The following AGBL1 variants were observed in gnomAD, a reference collection of about 807,000 sequenced individuals.
The protein encoded by AGBL1 is AGBL carboxypeptidase 1.
A neutral mutation model predicts 118.9 loss-of-function variants in AGBL1; 130 were observed. That is an observed-to-expected ratio of 1.09 (90% CI 0.95 to 1.26). The LOEUF (loss-of-function observed/expected upper bound fraction) is 1.26. Among genes scored for constraint, AGBL1 ranks in the 50% most tolerant of loss-of-function variants. The probability of loss-of-function intolerance (pLI) is 0.00; values close to 1 mark genes in which losing one functional copy is unlikely to be tolerated. For missense variants in AGBL1, 1,584 were observed against 1,298.1 expected (o/e 1.22, Z -3.38); for synonymous variants, 555 against 478.9 (o/e 1.16, Z -2.08).
intron 18 of AGBL1, among the ~76,000 whole-genome samples, chr15:86,500,073 C>A (rs4448905): frequency 0.52 from 78,942 of 151,582 alleles, 21,038 homozygotes; most frequent in East Asian, 0.68. Flanking sequence ...GTTTGTGGTC[C>A]TGCTGATTTG....
intron 12 of AGBL1, 91 bp downstream of exon 12, chr15:86,266,548 C>A: frequency 1.1e-6 from 1 of 887,138 alleles, no homozygotes; most frequent in Non-Finnish European, 1.7e-6. Context: ...ATAATCCACT[C>A]CTCCTCCTAA....
chr15:86,729,024 C>CA (rs2141211978), intron 22 of AGBL1, among the ~76,000 whole-genome samples: 1 of 152,274 alleles, frequency 6.6e-6, no homozygotes, highest in African/African-American at 2.4e-5. Flanking sequence ...ATAAATGCAA[C>CA]AAAACTCTAC....
intron 18 of AGBL1, among the ~76,000 whole-genome samples, chr15:86,484,596 C>A (rs946389285): frequency 6.6e-6 from 1 of 152,072 alleles, no homozygotes; most frequent in South Asian, 2.1e-4. Context: ...TTCCACGTTT[C>A]GGTGCATTTA....
intron 21 of AGBL1, among the ~76,000 whole-genome samples, chr15:86,633,025 A>G (rs1404711040): frequency 1.3e-5 from 2 of 152,234 alleles, no homozygotes; most frequent in Non-Finnish European, 2.9e-5. Flanking sequence ...GTGAAATGTA[A>G]CATTAGGTAG....
In AGBL1 at chr15:86,305,561, TA is replaced by T. The variant is rs2079825802; in HGVS notation, c.2374+10159del. The stretch of plus-strand genomic sequence containing the variant: ...TATTTTTATATTTCATGTCTAAAAT[TA>T]AAAAACTAAAAAGTGTCAACATGTC... On this transcript the variant is annotated intron_variant, in intron 17 of 22. Coordinates refer to ENST00000614907, the MANE Select transcript of AGBL1 (RefSeq NM_001386094.1). 2.0e-5 allele frequency among the ~76,000 whole-genome samples: 3 copies of T among 152,282 alleles called. No homozygotes were observed. In the South Asian group the frequency reaches 6.2e-4, roughly 32 times the overall value.
At chr15:86,448,241 G>A (rs1244191158) in intron 18 of AGBL1, among the ~76,000 whole-genome samples, 1 of 152,206 alleles carries the variant, frequency 6.6e-6, no homozygotes, top group Non-Finnish European at 1.5e-5. Context: ...ATGGGCCAGA[G>A]ATGTAGAGGA....
At chr15:87,031,207 ATTTT>A (rs1420265927), downstream of AGBL1, among the ~76,000 whole-genome samples, 1 of 151,904 alleles carries the variant, frequency 6.6e-6, no homozygotes, top group Non-Finnish European at 1.5e-5. Context: ...AATCACTGAT[ATTTT>A]GTCTCATTTT....
chr15:86,632,809 T>TGG (rs56257461), intron 21 of AGBL1, among the ~76,000 whole-genome samples: 1 of 151,944 alleles, frequency 6.6e-6, no homozygotes, highest in Non-Finnish European at 1.5e-5. Flanking sequence ...AGTTTTGTTT[T>TGG]TGCAGTTAAT....
At chr15:86,240,397 G>T (rs543179074) in intron 6 of AGBL1, among the ~76,000 whole-genome samples, 1 of 152,272 alleles carries the variant, frequency 6.6e-6, no homozygotes, top group African/African-American at 2.4e-5. Context: ...AAGATAATCT[G>T]TTGCAAAGTC....
intron 1 of AGBL1, among the ~76,000 whole-genome samples, chr15:86,094,447 T>A (rs1253975134): frequency 1.3e-5 from 2 of 152,162 alleles, no homozygotes; most frequent in Non-Finnish European, 2.9e-5. Context: ...TTTTGTAGCT[T>A]CCCTGGGAAG....
chr15:86,155,050 T>TTA (rs1382703763), intron 4 of AGBL1, among the ~76,000 whole-genome samples: 1 of 152,208 alleles, frequency 6.6e-6, no homozygotes, highest in Non-Finnish European at 1.5e-5. Flanking sequence ...CTCCAGGTAA[T>TTA]TATTAGGAAC....
At chr15:86,957,396 A>T (rs1360618655) in intron 23 of AGBL1, among the ~76,000 whole-genome samples, 4 of 152,072 alleles carry the variant, frequency 2.6e-5, no homozygotes, top group Non-Finnish European at 5.9e-5. Flanking sequence ...AAAAGTTAAA[A>T]TCTTCTCGTT....
chr15:86,888,906 TG>T (rs1242423141), intron 22 of AGBL1, among the ~76,000 whole-genome samples: 2 of 152,276 alleles, frequency 1.3e-5, no homozygotes, highest in East Asian at 3.9e-4. Flanking sequence ...CTACATTCAT[TG>T]GCTGGAGCAA....
chr15:86,204,978 G>C (rs1397871319), intron 5 of AGBL1, among the ~76,000 whole-genome samples: 2 of 152,084 alleles, frequency 1.3e-5, no homozygotes, highest in East Asian at 1.9e-4. Flanking sequence ...TACATTCTCT[G>C]GGTTTGGAGA....
intron 17 of AGBL1, among the ~76,000 whole-genome samples, chr15:86,368,610 A>G (rs893497381): frequency 2.6e-5 from 4 of 152,210 alleles, no homozygotes; most frequent in Admixed American, 6.5e-5. Flanking sequence ...CAGTTAAAGA[A>G]GGAATTAATG....
At chr15:86,693,329 T>A (rs1478462510) in intron 22 of AGBL1, among the ~76,000 whole-genome samples, 1 of 152,136 alleles carries the variant, frequency 6.6e-6, no homozygotes, top group Non-Finnish European at 1.5e-5. Flanking sequence ...TGGCAGTTTT[T>A]ATTTGCATTT....
rs189540951 is a variant in AGBL1, at chr15:86,712,224, G to A, written c.3158+37788G>A. 3.8e-3 allele frequency among the ~76,000 whole-genome samples: 579 copies of A among 152,168 alleles called. 6 individuals are homozygous for A. Among genetic ancestry groups the A allele is most frequent in the South Asian group, 0.02 (98 of 4,808 alleles). ...TTTCCTTGTTTATCATGGATTTAGG[G>A]TAGAAATAATTAAAACAAACAAAGC... On this transcript the variant is annotated intron_variant, in intron 22 of 22. Coordinates refer to ENST00000614907, the MANE Select transcript of AGBL1 (RefSeq NM_001386094.1).
At chr15:86,934,501 A>C (rs1481686670) in intron 23 of AGBL1, among the ~76,000 whole-genome samples, 1 of 150,824 alleles carries the variant, frequency 6.6e-6, no homozygotes. Flanking sequence ...CCTTGCTATT[A>C]TCTTATTTCT....
chr15:86,332,694 C>T (rs962003962), intron 17 of AGBL1, among the ~76,000 whole-genome samples: 10 of 151,034 alleles, frequency 6.6e-5, no homozygotes, highest in African/African-American at 2.2e-4. Context: ...TGACACATTA[C>T]CAATTGGACC....
Sources: allele counts gnomAD v4.1 joint callset (sites outside exome capture counted in the v4.1 genomes callset), GRCh38; gene constraint gnomAD v4.1.1; transcripts MANE v1.5; gene names NCBI Gene and HGNC (gene_info 2026-07-23, HGNC 2026-07-21).